The following EFEMP2 variants were observed in gnomAD, a reference collection of about 807,000 sequenced individuals.
The protein encoded by EFEMP2 is EGF-like fibulin extracellular matrix protein 2.
A neutral mutation model predicts 55.3 loss-of-function variants in EFEMP2; 21 were observed. The observed-to-expected ratio is 0.38, with a 90% CI of 0.27 to 0.55. The LOEUF (loss-of-function observed/expected upper bound fraction) is 0.55, where lower values mean the gene tolerates loss of function less well. Ranked by LOEUF, EFEMP2 falls within the 20% of genes least tolerant of loss-of-function variation. The pLI is 0.77. For synonymous variants in EFEMP2, 275 were observed against 242.3 expected (o/e 1.14, Z -1.25); for missense variants, 513 against 615.1 (o/e 0.83, Z 1.76).
At chr11:65,870,847 C>T in intron 4 of EFEMP2, 189 bp from the exon 5 acceptor site, 1 of 796,932 alleles carries the variant, frequency 1.3e-6, no homozygotes, top group Non-Finnish European at 2.1e-6. Context: ...AAGGTCCTGT[C>T]CAAACATCCC....
intron 4 of EFEMP2, 108 bp from the exon 5 acceptor site, chr11:65,870,766 C>G (rs1035609777): frequency 6.4e-7 from 1 of 1,556,288 alleles, no homozygotes; most frequent in Middle Eastern, 1.7e-4. Context: ...CGTAAGAGTT[C>G]ACCAGCCTGG....
In EFEMP2 at chr11:65,866,632, C is replaced by G; in HGVS notation, c.*286G>C. ...TGGGCCGGGGCCTGGAGTCCGCCCTCCTCGTTACCTCCTCTCCTCTCGGGG... is the reference window on the plus strand; with the variant it reads ...TGGGCCGGGGCCTGGAGTCCGCCCTGCTCGTTACCTCCTCTCCTCTCGGGG... On this transcript the variant is annotated 3_prime_UTR_variant, in exon 11 of 11. Transcript: ENST00000307998. 2.0e-5 allele frequency: 14 copies of G among 703,300 alleles called. No individual in the cohort carries two copies. The highest frequency in any genetic ancestry group is 2.3e-4 in the Middle Eastern group (1 of 4,372). 43.6% of individuals were successfully genotyped at this position (703,300 alleles called of 1,614,324 possible). A position where few individuals can be genotyped will look rare whatever the true frequency, so the allele number is the denominator to read the frequency against.
intron 7 of EFEMP2, 68 bp downstream of exon 7, chr11:65,869,789 C>T (rs1859931582): frequency 6.2e-7 from 1 of 1,607,110 alleles, no homozygotes; most frequent in Non-Finnish European, 8.5e-7. Flanking sequence ...AACTGTGTGG[C>T]AGGAGGCACG....
chr11:65,869,885 C>T lies in EFEMP2; in HGVS notation c.699G>A (p.Glu233=), dbSNP rs1206569334. Residue 233 remains glutamate, a synonymous_variant, in exon 7 of 11, where the codon GAG becomes GAA. Transcript: ENST00000307998. ...TGCAGGAGAAGCCATCCCGATGCAGCTCATAGCCCTGGTGGCAGCGACACA... is the reference window on the plus strand; with the variant it reads ...TGCAGGAGAAGCCATCCCGATGCAGTTCATAGCCCTGGTGGCAGCGACACA... The part of the protein sequence containing the change: ...TFLCRCHQGY[E]LHRDGFSCSD... 16 of 1,613,980 alleles carry T rather than the reference C, an allele frequency of 9.9e-6. No homozygotes were observed. The highest frequency in any genetic ancestry group is 1.3e-5 in the Non-Finnish European group (15 of 1,180,038).
Position 65,868,384 on chromosome 11 carries a change from G to A in EFEMP2, c.885C>T (p.Ser295=), listed in dbSNP as rs142509316. The A allele has an allele frequency of 3.0e-4, 481 of 1,613,818 alleles. No individual in the cohort carries two copies. The highest frequency in any genetic ancestry group is 3.9e-4 in the Non-Finnish European group (458 of 1,180,038). The change falls in exon 9 of 11, where the codon TCC becomes TCT. Residue 295 remains serine, a synonymous_variant. Coordinates refer to ENST00000307998, the MANE Select transcript of EFEMP2 (RefSeq NM_016938.5). ...GGAAGTTGACACAGGTTTGGGCCTC[G>A]GAGCACTGGTGCGCACCAGACTCAC... is the stretch of plus-strand genomic sequence containing the variant. ...DECESGAHQC[S]EAQTCVNFHG... is the part of the protein sequence containing the mutation.
At position 65,867,016 on chromosome 11, in the gene EFEMP2, C is replaced by A. The variant is rs146879673; in HGVS notation, c.1234G>T (p.Val412Leu). Residue 412 changes from valine to leucine, a missense_variant, in exon 11 of 11, where the codon GTG becomes TTG. By Grantham distance (32) the Val-to-Leu change is conservative (BLOSUM62 1). Coordinates refer to ENST00000307998, the MANE Select transcript of EFEMP2 (RefSeq NM_016938.5). ...ATGGTGACCATCTCCAGGTCCAGCACGTACTCCCGGGGGCCCGTCACCGGC... is the reference window on the plus strand; with the variant it reads ...ATGGTGACCATCTCCAGGTCCAGCAAGTACTCCCGGGGGCCCGTCACCGGC... The part of the protein sequence containing the change: ...ARPVTGPREY[V>L]LDLEMVTMNS... 7.9e-5 allele frequency: 127 copies of A among 1,614,054 alleles called. No homozygotes were observed. The highest frequency in any genetic ancestry group is 1.1e-4 in the Non-Finnish European group (125 of 1,180,034).
At chr11:65,868,104 C>T in intron 9 of EFEMP2, 48 bp from the exon 10 acceptor site, 4 of 1,597,520 alleles carry the variant, frequency 2.5e-6, no homozygotes, top group Non-Finnish European at 3.4e-6. Flanking sequence ...TGCCCGTCCC[C>T]CCAATTTCTC....
chr11:65,869,870 G>A lies in EFEMP2; in HGVS notation c.714C>T (p.Gly238=), dbSNP rs2234467. 9.9e-5 allele frequency: 159 copies of A among 1,614,038 alleles called. No individual in the cohort carries two copies. In the African/African-American group the frequency reaches 1.9e-3, roughly 19 times the overall value. The change falls in exon 7 of 11, where the codon GGC becomes GGT. Residue 238 remains glycine, a synonymous_variant. Coordinates refer to ENST00000307998, the MANE Select transcript of EFEMP2 (RefSeq NM_016938.5). ...TGGAGCTCTCACCACTGCAGGAGAA[G>A]CCATCCCGATGCAGCTCATAGCCCT... ...CHQGYELHRD[G]FSCSDIDECS... is the part of the protein sequence containing the mutation.
At chr11:65,869,172 T>G (rs1859920157) in intron 7 of EFEMP2, 1 of 212,826 alleles carries the variant, frequency 4.7e-6, no homozygotes, top group African/African-American at 2.3e-5. Context: ...GTAAGAAGTC[T>G]GGGATCCAGC....
At position 65,869,952 on chromosome 11, in the gene EFEMP2, G is replaced by A; in HGVS notation, c.632C>T (p.Ala211Val). The A allele has an allele frequency of 1.9e-6, 3 of 1,613,916 alleles. No individual in the cohort carries two copies. The highest frequency in any genetic ancestry group is 1.7e-6 in the Non-Finnish European group (2 of 1,179,964). Residue 211 changes from alanine to valine, a missense_variant, in exon 7 of 11, where the codon GCC (alanine) becomes GTC (valine). Transcript: ENST00000307998. ...CVDVNECDMGAPCEQRCFNSY... is the reference protein window; with the variant it reads ...CVDVNECDMGVPCEQRCFNSY... ...GTTGAAGCAGCGCTGCTCGCATGGG[G>A]CCCCCATGTCACACTCGTTCACATC...
Position 65,868,437 on chromosome 11 carries a change from G to A in EFEMP2, c.848-16C>T, listed in dbSNP as rs773386551. On this transcript the variant is annotated splice_polypyrimidine_tract_variant and intron_variant, in intron 8 of 10. Coordinates refer to ENST00000307998, the MANE Select transcript of EFEMP2 (RefSeq NM_016938.5). The stretch of plus-strand genomic sequence containing the variant: ...TCATCAATGTCTGTGCCAGGGGAGA[G>A]GGGCTGGAATCGGGGGCGTCAGGCT... 216 of 1,613,946 alleles carry A rather than the reference G, an allele frequency of 1.3e-4. 1 individual carries two copies. The East Asian group carries it at 4.6e-3, about 34-fold the overall frequency.
chr11:65,872,181 TG>T, intron 2 of EFEMP2, 62 bp downstream of exon 2: 1 of 1,511,688 alleles, frequency 6.6e-7, no homozygotes, highest in Non-Finnish European at 9.0e-7. Flanking sequence ...GCAGTCACCC[TG>T]GGTCCCGGTC....
intron 4 of EFEMP2, 102 bp downstream of exon 4, chr11:65,871,055 C>T (rs1204194915): frequency 1.5e-6 from 2 of 1,350,048 alleles, no homozygotes; most frequent in East Asian, 2.4e-5. Context: ...AGGGTGTGGA[C>T]ATCACCAGTG....
intron 10 of EFEMP2, 28 bp from the exon 11 acceptor site, chr11:65,867,107 T>A (rs563662567): frequency 6.2e-7 from 1 of 1,612,928 alleles, no homozygotes; most frequent in Non-Finnish European, 8.5e-7. Flanking sequence ...GGGGGACATA[T>A]ATATTGTGTC....
rs756141346 is a variant in EFEMP2, at chr11:65,867,939, C to T, written c.1092G>A (p.Gln364=). The change falls in exon 10 of 11, where the codon CAG becomes CAA. Residue 364 remains glutamine, a synonymous_variant. Transcript: ENST00000307998. ...RSVPADVFQI[Q]ATSVYPGAYN... ...AGGCACCGGGGTAGACGGAGGTCGC[C>T]TGGATCTGGAACACGTCAGCGGGCA... 3 of 1,614,020 alleles carry T rather than the reference C, an allele frequency of 1.9e-6. No homozygotes were observed. The Admixed American group carries it at 5.0e-5, about 27-fold the overall frequency.
intron 10 of EFEMP2, 118 bp from the exon 11 acceptor site, chr11:65,867,197 T>TGCCACCCC: frequency 7.9e-7 from 1 of 1,259,764 alleles, no homozygotes; most frequent in South Asian, 1.3e-5. Context: ...CTGGCCAGGC[T>TGCCACCCC]GCCACCCCAG....
chr11:65,866,707 C>T lies in EFEMP2; in HGVS notation c.*211G>A, dbSNP rs1380527956. ...TCCCAGCTCCTGTCAATGGGGGCCC[C>T]TGGGCCTGAACATATAGAGACCCCC... On this transcript the variant is annotated 3_prime_UTR_variant, in exon 11 of 11. Transcript: ENST00000307998. 4.1e-6 allele frequency: 3 copies of T among 724,620 alleles called. No homozygotes were observed. Among genetic ancestry groups the T allele is most frequent in the African/African-American group, 3.5e-5 (2 of 57,548 alleles). 44.9% of individuals were successfully genotyped at this position (724,620 alleles called of 1,614,324 possible). A position where few individuals can be genotyped will look rare whatever the true frequency, so the allele number is the denominator to read the frequency against.
Position 65,866,784 on chromosome 11 carries a change from G to T in EFEMP2, c.*134C>A. On this transcript the variant is annotated 3_prime_UTR_variant, in exon 11 of 11. Coordinates refer to ENST00000307998, the MANE Select transcript of EFEMP2 (RefSeq NM_016938.5). ...CAAGTGCCACCCTGCCCCAGCCTGA[G>T]GCTTCCTGCAGTGTGACCCGCCCAC... 1 of 1,167,902 alleles carries T rather than the reference G, an allele frequency of 8.6e-7. No homozygotes were observed. The highest frequency in any genetic ancestry group is 1.3e-5 in the South Asian group (1 of 76,910). The allele number at this position is 1,167,902 out of a possible 1,614,324, so 72.3% of individuals were successfully genotyped here.
chr11:65,870,302 G>A lies in EFEMP2; in HGVS notation c.491-65C>T, dbSNP rs147124207. 7.0e-4 allele frequency: 1,068 copies of A among 1,533,968 alleles called. 3 individuals carry two copies. In the African/African-American group the frequency reaches 0.012, roughly 17 times the overall value. On this transcript the variant is annotated intron_variant, in intron 5 of 10. Transcript: ENST00000307998. ...GGCAGAGGGCAGGTGGGCTCGAGCC[G>A]GCTGGGACTCAAGGCTTCACCACCC...
Sources: gnomAD v4.1 joint callset for allele counts on GRCh38, gnomAD v4.1.1 for gene constraint, MANE v1.5 for transcripts, NCBI Gene and HGNC (gene_info 2026-07-23, HGNC 2026-07-21) for gene names.